Variants in POU6F2 observed in about 807,000 individuals in gnomAD.
The protein encoded by POU6F2 is POU domain, class 6, transcription factor 2.
POU6F2 carries 31 observed loss-of-function variants against 71.3 expected under a neutral mutation model. That is an observed-to-expected ratio of 0.43 (90% CI 0.33 to 0.59). POU6F2 has a LOEUF of 0.59. Ranked by LOEUF, POU6F2 falls within the 20% of genes least tolerant of loss-of-function variation. The pLI is 0.04. For missense variants in POU6F2, 783 were observed against 856.8 expected, an observed-to-expected ratio of 0.91 and a Z score of 1.07; for synonymous variants, 347 against 355.7, an observed-to-expected ratio of 0.98 and a Z score of 0.27.
At chr7:39,306,505 C>A (rs1439857085) in intron 4 of POU6F2, among the ~76,000 whole-genome samples, 1 of 152,188 alleles carries the variant, frequency 6.6e-6, no homozygotes, top group African/African-American at 2.4e-5. Flanking sequence ...CCCAGCTACG[C>A]CATCCTACCA....
rs1352930903 is a variant in POU6F2, at chr7:39,419,064, CAT to C, written c.1113+12330_1113+12331del. On this transcript the variant is annotated intron_variant, in intron 6 of 9. Transcript: ENST00000518318. ...ATATATATGTATACACATATATACA[CAT>C]ATATACACACATATATACGTATATG... Among the ~76,000 whole-genome samples, 127 of 128,202 alleles carry C rather than the reference CAT, an allele frequency of 9.9e-4. 2 individuals carry two copies. Among genetic ancestry groups the C allele is most frequent in the Non-Finnish European group, 9.8e-4 (57 of 58,000 alleles). 84.1% of individuals were successfully genotyped at this position (128,202 alleles called of 152,430 possible).
intron 5 of POU6F2, among the ~76,000 whole-genome samples, chr7:39,372,279 T>C (rs1005608526): frequency 8.5e-5 from 13 of 152,230 alleles, no homozygotes; most frequent in Non-Finnish European, 1.5e-5. Flanking sequence ...AAAATTTTTA[T>C]TGATGAAACT....
chr7:39,093,973 C>G (rs1168582538), intron 2 of POU6F2, among the ~76,000 whole-genome samples: 3 of 152,116 alleles, frequency 2.0e-5, no homozygotes, highest in Non-Finnish European at 4.4e-5. Context: ...TATTATAAAA[C>G]TAACAAAGAC....
At chr7:39,191,688 C>A (rs1185616393) in intron 2 of POU6F2, among the ~76,000 whole-genome samples, 3 of 152,164 alleles carry the variant, frequency 2.0e-5, no homozygotes, top group African/African-American at 7.2e-5. Context: ...GGAACATAAT[C>A]TTCAGAACAA....
Position 39,207,387 on chromosome 7 carries a change from T to TA in POU6F2, c.370-5_370-4insA, listed in dbSNP as rs745743602. 14 of 1,613,336 alleles carry TA rather than the reference T, an allele frequency of 8.7e-6. No homozygotes were observed. The highest frequency in any genetic ancestry group is 1.1e-5 in the Non-Finnish European group (13 of 1,179,414). ...AGTGAGCTAGCTGTATCTGTTTCCT[T>TA]GCAGCCACTTCTGACGGCACAGCAG... On this transcript the variant is annotated splice_region_variant and splice_polypyrimidine_tract_variant and intron_variant, in intron 3 of 9. Coordinates refer to ENST00000518318, the MANE Select transcript of POU6F2 (RefSeq NM_001370959.1).
At chr7:39,083,829 A>G (rs910323760) in intron 1 of POU6F2, 6 of 152,080 alleles carry the variant, frequency 3.9e-5, no homozygotes, top group African/African-American at 1.4e-4. Flanking sequence ...CTGAGGGGGG[A>G]AAACAATGGA....
intron 6 of POU6F2, among the ~76,000 whole-genome samples, chr7:39,417,249 C>A (rs1435311550): frequency 1.3e-5 from 2 of 152,090 alleles, no homozygotes; most frequent in African/African-American, 4.8e-5. Flanking sequence ...AATAATGCAC[C>A]CAACTTTCTT....
At chr7:39,015,644 TATAG>T (rs1789469905) in intron 1 of POU6F2, among the ~76,000 whole-genome samples, 1 of 105,918 alleles carries the variant, frequency 9.4e-6, no homozygotes, top group Admixed American at 1.4e-4. Flanking sequence ...CTATGTTATA[TATAG>T]ATATATATTA....
At chr7:39,424,310 C>T (rs1787918952) in intron 6 of POU6F2, among the ~76,000 whole-genome samples, 1 of 152,186 alleles carries the variant, frequency 6.6e-6, no homozygotes. Context: ...ACATTTTGCA[C>T]AATTGACTCC....
intron 8 of POU6F2, among the ~76,000 whole-genome samples, chr7:39,457,259 G>T (rs1788826901): frequency 6.6e-6 from 1 of 152,152 alleles, no homozygotes; most frequent in Non-Finnish European, 1.5e-5. Flanking sequence ...ACAGGCCTTG[G>T]GACTGGAGTA....
intron 5 of POU6F2, chr7:39,406,000 C>G (rs1787418152): frequency 6.6e-6 from 1 of 152,260 alleles, no homozygotes; most frequent in South Asian, 2.1e-4. Flanking sequence ...CCAAAATTGT[C>G]GCAGCCCTAG....
chr7:39,201,053 T>A (rs930236675), intron 2 of POU6F2, among the ~76,000 whole-genome samples: 2 of 151,998 alleles, frequency 1.3e-5, no homozygotes, highest in African/African-American at 4.8e-5. Context: ...AAATTAAATA[T>A]TTTCATTAAA....
At chr7:39,125,406 T>A (rs1032739956) in intron 2 of POU6F2, among the ~76,000 whole-genome samples, 3 of 152,340 alleles carry the variant, frequency 2.0e-5, no homozygotes, top group South Asian at 4.1e-4. Context: ...CTTTATTATT[T>A]ATAACCTGTA....
chr7:39,089,610 T>C (rs1053794762), intron 2 of POU6F2, among the ~76,000 whole-genome samples: 2 of 152,214 alleles, frequency 1.3e-5, no homozygotes, highest in Non-Finnish European at 2.9e-5. Context: ...CTTTTAGTTA[T>C]GCCCATCAAG....
rs1789012371 is a variant in POU6F2, at chr7:39,464,130, C to T, written c.1659-52C>T. The T allele has an allele frequency of 3.2e-6, 5 of 1,564,708 alleles. No homozygotes were observed. The highest frequency in any genetic ancestry group is 4.3e-6 in the Non-Finnish European group (5 of 1,152,194). On this transcript the variant is annotated intron_variant, in intron 9 of 9. Transcript: ENST00000518318. This position sits in a 1 kb window ranked among gnomAD's most constrained non-coding sequence, Gnocchi z 4.1. ...GTCAGGCAGGCAGGCAGGAGGCCCA[C>T]CCTGGCAGAGGACTCAGTGTAAGAC...
chr7:39,371,784 G>A (rs1437914474), intron 5 of POU6F2, among the ~76,000 whole-genome samples: 3 of 152,194 alleles, frequency 2.0e-5, no homozygotes, highest in East Asian at 3.8e-4. Flanking sequence ...ACTAGTTTAC[G>A]TTCAACCACG....
At chr7:39,243,993 A>T (rs79949112) in intron 4 of POU6F2, among the ~76,000 whole-genome samples, 2 of 152,166 alleles carry the variant, frequency 1.3e-5, no homozygotes, top group African/African-American at 2.4e-5. Flanking sequence ...TCAAAAAGGT[A>T]TTCATATTTG....
intron 4 of POU6F2, among the ~76,000 whole-genome samples, chr7:39,248,771 C>T (rs1489808274): frequency 6.6e-6 from 1 of 152,134 alleles, no homozygotes; most frequent in Non-Finnish European, 1.5e-5. Flanking sequence ...AACTACTTGC[C>T]CCATTGTCCC....
At chr7:39,239,900 G>A (rs143101340) in intron 4 of POU6F2, among the ~76,000 whole-genome samples, 31 of 152,154 alleles carry the variant, frequency 2.0e-4, no homozygotes, top group East Asian at 1.5e-3. Flanking sequence ...TCATAAAGGG[G>A]GCAAAGTCCT....
Sources: allele counts gnomAD v4.1 joint callset (sites outside exome capture counted in the v4.1 genomes callset), GRCh38; gene constraint gnomAD v4.1.1; non-coding constraint Gnocchi (gnomAD v3.1); transcripts MANE v1.5; gene names NCBI Gene and HGNC (gene_info 2026-07-23, HGNC 2026-07-21).